Variants in RGS6 observed in about 807,000 individuals in gnomAD.
RGS6 encodes the protein regulator of G-protein signaling 6.
RGS6 carries 30 observed loss-of-function variants against 78.5 expected under a neutral mutation model. The observed-to-expected ratio is 0.38, with a 90% CI of 0.29 to 0.52. The LOEUF (loss-of-function observed/expected upper bound fraction) is 0.52, where lower values mean the gene tolerates loss of function less well. Ranked by LOEUF, RGS6 falls within the 20% of genes least tolerant of loss-of-function variation. The pLI is 0.85. For missense variants in RGS6, 495 were observed against 609.7 expected, an observed-to-expected ratio of 0.81 and a Z score of 1.98; for synonymous variants, 206 against 206.0, an observed-to-expected ratio of 1.00 and a Z score of 0.00.
At chr14:72,321,592 G>A (rs956230623) in intron 2 of RGS6, among the ~76,000 whole-genome samples, 8 of 151,998 alleles carry the variant, frequency 5.3e-5, no homozygotes, top group Non-Finnish European at 7.4e-5. Context: ...AGAACAAAAA[G>A]CATTAAACAA....
the RGS6 span, among the ~76,000 whole-genome samples, chr14:72,576,084 C>A: frequency 6.6e-6 from 1 of 152,244 alleles, no homozygotes; most frequent in Non-Finnish European, 1.5e-5. Flanking sequence ...TCCATAGATT[C>A]TAGGTGAACT....
At chr14:72,621,679 G>A in the RGS6 span, among the ~76,000 whole-genome samples, 1 of 152,172 alleles carries the variant, frequency 6.6e-6, no homozygotes, top group Non-Finnish European at 1.5e-5. Context: ...GAGGCCCGGG[G>A]ACCAGTTAGG....
the RGS6 span, among the ~76,000 whole-genome samples, chr14:71,924,223 T>G: frequency 1.2e-4 from 19 of 152,324 alleles, no homozygotes; most frequent in African/African-American, 4.6e-4. Context: ...TTTTTAAATT[T>G]TTGTAGCGAT....
intron 10 of RGS6, among the ~76,000 whole-genome samples, chr14:72,475,966 C>A (rs1024078703): frequency 3.3e-5 from 5 of 152,158 alleles, no homozygotes; most frequent in African/African-American, 1.2e-4. Flanking sequence ...AAAATGTCCT[C>A]ATTTCATCTT....
At chr14:72,534,026 A>C (rs887516177) in intron 15 of RGS6, among the ~76,000 whole-genome samples, 37 of 152,376 alleles carry the variant, frequency 2.4e-4, no homozygotes, top group South Asian at 4.1e-4. Flanking sequence ...AAATGCTATC[A>C]AACACCATCA....
chr14:72,283,857 T>C (rs556950006), intron 2 of RGS6, among the ~76,000 whole-genome samples: 1 of 152,310 alleles, frequency 6.6e-6, no homozygotes, highest in Admixed American at 6.5e-5. Flanking sequence ...GTTTGGAACT[T>C]CCTAGAGACT....
chr14:72,241,155 C>CAA (rs55988416), intron 2 of RGS6, among the ~76,000 whole-genome samples: 14,317 of 101,806 alleles, frequency 0.14, 1,041 homozygotes, highest in Non-Finnish European at 0.18. Flanking sequence ...GACTCTGTCT[C>CAA]AAAAAAAAAA....
intron 2 of RGS6, among the ~76,000 whole-genome samples, chr14:72,256,853 G>A (rs1333643076): frequency 6.6e-6 from 1 of 152,184 alleles, no homozygotes; most frequent in Non-Finnish European, 1.5e-5. Context: ...TTACTCAGTT[G>A]TATAATTTCA....
chr14:72,541,654 T>C, intron 17 of RGS6: 1 of 1,531,216 alleles, frequency 6.5e-7, no homozygotes, highest in Non-Finnish European at 8.7e-7. Context: ...GTTTGTCTCT[T>C]TTGAGGACTG....
At chr14:71,936,722 G>A (rs963728640) in intron 1 of RGS6, among the ~76,000 whole-genome samples, 1 of 152,006 alleles carries the variant, frequency 6.6e-6, no homozygotes, top group African/African-American at 2.4e-5. Context: ...TAAATCTTAT[G>A]TCACATGATA....
the RGS6 span, among the ~76,000 whole-genome samples, chr14:71,873,209 A>T: frequency 6.6e-6 from 1 of 152,190 alleles, no homozygotes; most frequent in Non-Finnish European, 1.5e-5. Context: ...TCCTTGAGGA[A>T]TCGCCACACT....
intron 3 of RGS6, among the ~76,000 whole-genome samples, chr14:72,397,560 G>C (rs903792570): frequency 2.0e-5 from 3 of 151,702 alleles, no homozygotes; most frequent in Admixed American, 1.3e-4. Flanking sequence ...CTGCCTGATT[G>C]CCCTGGCCAG....
At chr14:72,109,283 T>C (rs1219606094) in intron 2 of RGS6, among the ~76,000 whole-genome samples, 1 of 152,200 alleles carries the variant, frequency 6.6e-6, no homozygotes, top group Non-Finnish European at 1.5e-5. Flanking sequence ...TTTGTGAGGA[T>C]ACCTTGTCTC....
At chr14:72,591,797 A>C in the RGS6 span, among the ~76,000 whole-genome samples, 1 of 152,242 alleles carries the variant, frequency 6.6e-6, no homozygotes, top group Non-Finnish European at 1.5e-5. Context: ...ACATGCCCAG[A>C]GAAAACAAAT....
intron 4 of RGS6, among the ~76,000 whole-genome samples, chr14:72,455,612 C>A (rs2095610391): frequency 6.6e-6 from 1 of 152,196 alleles, no homozygotes. Context: ...AGTCTTTTCA[C>A]CCCCTTGATT....
chr14:72,583,531 C>T, the RGS6 span, among the ~76,000 whole-genome samples: 41 of 147,352 alleles, frequency 2.8e-4, no homozygotes, highest in East Asian at 7.9e-3. Flanking sequence ...TTGATCTCAG[C>T]GTAGATCAAT....
chr14:72,186,224 C>T (rs2097243873), intron 2 of RGS6, among the ~76,000 whole-genome samples: 1 of 152,154 alleles, frequency 6.6e-6, no homozygotes, highest in African/African-American at 2.4e-5. Context: ...AAACTGAGTC[C>T]ATGAATCCTT....
chr14:72,205,935 C>T (rs1016055975), intron 2 of RGS6, among the ~76,000 whole-genome samples: 1 of 152,160 alleles, frequency 6.6e-6, no homozygotes, highest in Non-Finnish European at 1.5e-5. Context: ...TTGGACATGC[C>T]TCTAGGCAAG....
At chr14:71,967,594 A>G (rs1263394317) in intron 2 of RGS6, among the ~76,000 whole-genome samples, 2 of 152,172 alleles carry the variant, frequency 1.3e-5, no homozygotes, top group Non-Finnish European at 2.9e-5. Context: ...ACCCACGACT[A>G]CAATTTACAT....
Sources: gnomAD v4.1 joint callset for allele counts (sites outside exome capture counted in the v4.1 genomes callset) on GRCh38, gnomAD v4.1.1 for gene constraint, MANE v1.5 for transcripts, NCBI Gene and HGNC (gene_info 2026-07-23, HGNC 2026-07-21) for gene names.